Variants in SLC12A7 observed in about 807,000 individuals in gnomAD.
The protein encoded by SLC12A7 is solute carrier family 12 member 7.
A neutral mutation model predicts 120.6 loss-of-function variants in SLC12A7; 100 were observed. That is an observed-to-expected ratio of 0.83 (90% CI 0.71 to 0.98). The LOEUF (loss-of-function observed/expected upper bound fraction) is 0.98. Among genes scored for constraint, SLC12A7 ranks in the 50% least tolerant of loss-of-function variants. The probability of loss-of-function intolerance (pLI) is 0.00; values close to 1 mark genes in which losing one functional copy is unlikely to be tolerated. For synonymous variants in SLC12A7, 760 were observed against 678.0 expected, an observed-to-expected ratio of 1.12 and a Z score of -1.88; for missense variants, 1,373 against 1,548.1, an observed-to-expected ratio of 0.89 and a Z score of 1.90.
chr5:1,065,321 T>C lies in SLC12A7; in HGVS notation c.2399A>G (p.Lys800Arg). The C allele has an allele frequency of 6.3e-7, 1 of 1,588,842 alleles. No homozygotes were observed. ...TVLMAWPASW[K>R]QEDNPFSWKN... ...CCAGGAGAAGGGGTTGTCCTCCTGC[T>C]TCCAGGATGCGGGCCAGGCCATGAG... is the stretch of plus-strand genomic sequence containing the variant. Residue 800 changes from lysine to arginine, a missense_variant, in exon 18 of 24, where the codon AAG (lysine) becomes AGG (arginine). Physicochemically the swap from Lys to Arg is conservative, Grantham distance 26. Transcript: ENST00000264930.
chr5:1,063,540 G>A (rs530975271), intron 20 of SLC12A7, among the ~76,000 whole-genome samples: 4 of 152,218 alleles, frequency 2.6e-5, no homozygotes, highest in South Asian at 2.1e-4. Context: ...ATGTCCTGGC[G>A]ATTCCAAAAC....
the SLC12A7 span, among the ~76,000 whole-genome samples, chr5:1,123,010 C>T: frequency 6.6e-6 from 1 of 152,226 alleles, no homozygotes; most frequent in East Asian, 1.9e-4. Context: ...TCTGCCTACG[C>T]TCCTCTGTCC....
Position 1,064,165 on chromosome 5 carries a change from C to T in SLC12A7, c.2525G>A (p.Gly842Asp), listed in dbSNP as rs1449385745. The T allele has an allele frequency of 8.7e-6, 14 of 1,612,222 alleles. No individual in the cohort carries two copies. Among genetic ancestry groups the T allele is most frequent in the Non-Finnish European group, 1.1e-5 (13 of 1,179,656 alleles). The change falls in exon 19 of 24, where the codon GGC becomes GAC. Residue 842 changes from glycine to aspartate, a missense_variant. Gly to Asp is a moderately conservative substitution (Grantham distance 94). Coordinates refer to ENST00000264930, the MANE Select transcript of SLC12A7 (RefSeq NM_006598.3). ...CCACCACACGTCGATGTGGCCCCCGCCGAAGCGCTCCTGGTTTTGCGGAAA... is the reference window on the plus strand; with the variant it reads ...CCACCACACGTCGATGTGGCCCCCGTCGAAGCGCTCCTGGTTTTGCGGAAA... ...DSFPQNQERF[G>D]GGHIDVWWIV...
the SLC12A7 span, among the ~76,000 whole-genome samples, chr5:1,137,885 G>C: frequency 4.7e-4 from 72 of 152,294 alleles, no homozygotes; most frequent in East Asian, 0.013. Flanking sequence ...CATGGATGTC[G>C]GCGCCAGCGC....
chr5:1,142,936 C>T, the SLC12A7 span, among the ~76,000 whole-genome samples: 1 of 145,690 alleles, frequency 6.9e-6, no homozygotes, highest in Admixed American at 7.1e-5. Context: ...CATTCTCCAT[C>T]CTGGGAGGGC....
At chr5:1,059,399 C>T (rs907830720) in intron 21 of SLC12A7, among the ~76,000 whole-genome samples, 4 of 152,222 alleles carry the variant, frequency 2.6e-5, no homozygotes, top group East Asian at 1.9e-4. Flanking sequence ...GGCCCCAGGG[C>T]AGGCAAATCC....
At chr5:1,106,855 C>T (rs1742568272) in intron 1 of SLC12A7, among the ~76,000 whole-genome samples, 1 of 152,234 alleles carries the variant, frequency 6.6e-6, no homozygotes, top group Non-Finnish European at 1.5e-5. Flanking sequence ...GATCCTTACA[C>T]TAAAGCAGTT....
intron 4 of SLC12A7, 142 bp downstream of exon 4, chr5:1,088,840 G>T (rs74517438): frequency 3.8e-6 from 4 of 1,052,850 alleles, no homozygotes; most frequent in South Asian, 1.5e-5. Context: ...CTACACGGGC[G>T]TCTGGGGAGG....
At chr5:1,155,184 C>T in the SLC12A7 span, among the ~76,000 whole-genome samples, 3 of 151,090 alleles carry the variant, frequency 2.0e-5, no homozygotes. Context: ...CCCGCAGGGA[C>T]GAACCCCCAC....
At chr5:1,131,153 G>A in the SLC12A7 span, among the ~76,000 whole-genome samples, 13 of 152,182 alleles carry the variant, frequency 8.5e-5, no homozygotes, top group Admixed American at 3.3e-4. Context: ...GGACTCACAG[G>A]GACGTCCCGG....
chr5:1,139,366 A>T, the SLC12A7 span, among the ~76,000 whole-genome samples: 3 of 152,264 alleles, frequency 2.0e-5, no homozygotes, highest in African/African-American at 7.2e-5. Context: ...CACTCCAGGC[A>T]AATGCAGCTG....
chr5:1,131,579 G>A, the SLC12A7 span, among the ~76,000 whole-genome samples: 3 of 152,208 alleles, frequency 2.0e-5, no homozygotes, highest in Non-Finnish European at 2.9e-5. Flanking sequence ...CTCCTGCCTG[G>A]TGTTGGGGGC....
intron 16 of SLC12A7, 96 bp from the exon 17 acceptor site, chr5:1,073,897 A>G: frequency 8.4e-7 from 1 of 1,188,746 alleles, no homozygotes; most frequent in Non-Finnish European, 1.1e-6. Context: ...GGCACACGAC[A>G]CAGGTGGGAC....
chr5:1,110,595 G>A (rs1364680027), intron 1 of SLC12A7, among the ~76,000 whole-genome samples: 1 of 152,274 alleles, frequency 6.6e-6, no homozygotes, highest in South Asian at 2.1e-4. Flanking sequence ...TTCTGAGTGC[G>A]TTCCGGGGGC....
chr5:1,073,876 G>T, intron 16 of SLC12A7, 75 bp from the exon 17 acceptor site: 1 of 1,290,440 alleles, frequency 7.7e-7, no homozygotes, highest in African/African-American at 1.5e-5. Flanking sequence ...CAGGGCAGAT[G>T]GGACGGGCGG....
intron 1 of SLC12A7, among the ~76,000 whole-genome samples, chr5:1,097,597 T>C (rs1343921995): frequency 2.6e-5 from 4 of 152,198 alleles, no homozygotes; most frequent in African/African-American, 7.2e-5. Flanking sequence ...GACAAAGCCC[T>C]GCGTGTGGGG....
intron 5 of SLC12A7, 61 bp from the exon 6 acceptor site, chr5:1,087,094 C>T (rs1436729552): frequency 1.7e-5 from 26 of 1,531,440 alleles, no homozygotes; most frequent in African/African-American, 2.8e-5. Context: ...ACCCGAGGTG[C>T]GGTCTGCGCT....
At chr5:1,106,237 G>A (rs1742519089) in intron 1 of SLC12A7, among the ~76,000 whole-genome samples, 1 of 152,226 alleles carries the variant, frequency 6.6e-6, no homozygotes. Flanking sequence ...CAGACCACTA[G>A]AGGCCAGGAG....
rs542427399 is a variant in SLC12A7 at position 1,083,730 on chromosome 5, C to T, written c.1129+15G>A. The T allele has an allele frequency of 6.2e-7, 1 of 1,610,354 alleles. No homozygotes were observed. Among genetic ancestry groups the T allele is most frequent in the Non-Finnish European group, 8.5e-7 (1 of 1,178,928 alleles). On this transcript the variant is annotated intron_variant, in intron 8 of 23. Coordinates refer to ENST00000264930, the MANE Select transcript of SLC12A7 (RefSeq NM_006598.3). The stretch of plus-strand genomic sequence containing the variant: ...CGCCACCCCCCAGCTCCAGCTGCAG[C>T]CCTGTGAGCCTCACCCAGGAAGACA...
Sources: gnomAD v4.1 joint callset for allele counts (sites outside exome capture counted in the v4.1 genomes callset) on GRCh38, gnomAD v4.1.1 for gene constraint, MANE v1.5 for transcripts, NCBI Gene and HGNC (gene_info 2026-07-23, HGNC 2026-07-21) for gene names.